The following NCOR1 variants were observed in gnomAD, a reference collection of about 807,000 sequenced individuals.
NCOR1 encodes nuclear receptor corepressor 1, also known as protein phosphatase 1, regulatory subunit 109.
NCOR1 carries 63 observed loss-of-function variants against 288.1 expected under a neutral mutation model. The observed-to-expected ratio is 0.22, with a 90% CI of 0.18 to 0.27. NCOR1 has a LOEUF of 0.27. Ranked by LOEUF, NCOR1 falls within the 10% of genes least tolerant of loss-of-function variation. NCOR1 has a pLI of 1.00. For synonymous variants in NCOR1, 1,007 were observed against 1,065.9 expected, an observed-to-expected ratio of 0.94 and a Z score of 1.08; for missense variants, 2,397 against 3,019.2, an observed-to-expected ratio of 0.79 and a Z score of 4.83.
chr17:16,179,189 T>C (rs963829654), intron 3 of NCOR1, among the ~76,000 whole-genome samples: 4 of 152,234 alleles, frequency 2.6e-5, no homozygotes, highest in South Asian at 2.1e-4. Flanking sequence ...TCAGGTACCT[T>C]ATAAAATTGC....
intron 1 of NCOR1, among the ~76,000 whole-genome samples, chr17:16,211,518 C>A (rs952539249): frequency 6.6e-6 from 1 of 152,152 alleles, no homozygotes; most frequent in African/African-American, 2.4e-5. Context: ...TAGGCATGAG[C>A]CACTGTGCCC....
In NCOR1 at chr17:16,067,991, A is replaced by AT; in HGVS notation, c.4643dup (p.Asp1548GlufsTer69). The AT allele has an allele frequency of 6.2e-7, 1 of 1,614,136 alleles. No homozygotes were observed. Among genetic ancestry groups the AT allele is most frequent in the Non-Finnish European group, 8.5e-7 (1 of 1,180,030 alleles). On this transcript the variant is annotated frameshift_variant, in exon 32 of 46. Transcript: ENST00000268712. LOFTEE classifies it high-confidence loss of function. ...CTGCAGTGCTGCCTCTGTGATGGGG[A>AT]TCAAACGGACTGTGGCTCACGACAG...
At chr17:16,140,093 T>C (rs528165353) in intron 11 of NCOR1, among the ~76,000 whole-genome samples, 1 of 152,236 alleles carries the variant, frequency 6.6e-6, no homozygotes, top group Non-Finnish European at 1.5e-5. Flanking sequence ...AAAGAGCAAA[T>C]AAAGAAATTT....
intron 2 of NCOR1, among the ~76,000 whole-genome samples, chr17:16,189,138 A>G (rs996079964): frequency 6.9e-6 from 1 of 145,950 alleles, no homozygotes; most frequent in Non-Finnish European, 1.5e-5. Flanking sequence ...TCACACCTGT[A>G]ATCTTAGCAC....
intron 23 of NCOR1, among the ~76,000 whole-genome samples, chr17:16,084,750 G>C (rs140476215): frequency 4.6e-5 from 7 of 152,236 alleles, no homozygotes; most frequent in African/African-American, 1.7e-4. Flanking sequence ...TTTTCAACTA[G>C]AAATTTAAAT....
At chr17:16,141,042 T>C (rs767782772) in intron 11 of NCOR1, among the ~76,000 whole-genome samples, 2 of 149,366 alleles carry the variant, frequency 1.3e-5, no homozygotes, top group Non-Finnish European at 3.0e-5. Flanking sequence ...TATTATGCAA[T>C]AGTATGTGCA....
intron 40 of NCOR1, among the ~76,000 whole-genome samples, chr17:16,049,752 A>G (rs1286339038): frequency 6.6e-6 from 1 of 151,848 alleles, no homozygotes; most frequent in Non-Finnish European, 1.5e-5. Flanking sequence ...TACCCCGGCT[A>G]ATTTTTGTAT....
chr17:16,213,023 T>C (rs1178292556), intron 1 of NCOR1, among the ~76,000 whole-genome samples: 5 of 144,436 alleles, frequency 3.5e-5, no homozygotes, highest in Admixed American at 1.4e-4. Flanking sequence ...AGCGAGCCAC[T>C]GTATTTCAGC....
chr17:16,206,042 A>G (rs1402188792), intron 1 of NCOR1, among the ~76,000 whole-genome samples: 1 of 152,002 alleles, frequency 6.6e-6, no homozygotes, highest in Non-Finnish European at 1.5e-5. Context: ...ACATTTTTTC[A>G]GTTCCTAAAT....
chr17:16,170,105 TTC>T (rs1425459905), intron 4 of NCOR1, among the ~76,000 whole-genome samples: 2 of 76,426 alleles, frequency 2.6e-5, no homozygotes, highest in Non-Finnish European at 5.8e-5. Flanking sequence ...CATATTTGCT[TTC>T]TGTGTGTGTG....
In NCOR1 at chr17:16,034,953, G is replaced by T; in HGVS notation, c.6956-9C>A. 6.2e-7 allele frequency: 1 copy of T among 1,612,854 alleles called. No homozygotes were observed. ...TGGTTTGCAAACTCCTCCTGAAAGT[G>T]AAATTCAAGTTAAAGTATTAATATA... On this transcript the variant is annotated splice_polypyrimidine_tract_variant and intron_variant, in intron 44 of 45. Transcript: ENST00000268712.
At position 16,080,663 on chromosome 17, in the gene NCOR1, G is replaced by A. The variant is rs1237541182; in HGVS notation, c.3242C>T (p.Pro1081Leu). 7.4e-6 allele frequency: 12 copies of A among 1,614,040 alleles called. No individual in the cohort carries two copies. The highest frequency in any genetic ancestry group is 4.5e-5 in the East Asian group (2 of 44,878). ...TCCAAGAGAGATAGATCCCACTGAC[G>A]GCTTGGGTGTTTCTTGAGTGTAGGA... is the stretch of plus-strand genomic sequence containing the variant. Reference protein sequence around the residue: ...QASYTQETPKPSVGSISLGLP... With the variant: ...QASYTQETPKLSVGSISLGLP... Residue 1081 changes from proline (P) to leucine (L), a missense_variant, in exon 24 of 46, where the codon CCG (proline) becomes CTG (leucine). By Grantham distance (98) the Pro-to-Leu change is moderately conservative. Around this residue, in one of 11 missense-constraint regions of NCOR1, gnomAD observed 1,872 missense variants for 2,187.8 expected, o/e 0.86. Coordinates refer to ENST00000268712, the MANE Select transcript of NCOR1 (RefSeq NM_006311.4).
intron 44 of NCOR1, among the ~76,000 whole-genome samples, chr17:16,036,502 G>A (rs573101282): frequency 6.6e-6 from 1 of 152,344 alleles, no homozygotes; most frequent in East Asian, 1.9e-4. Flanking sequence ...GACTCTTCCA[G>A]TAGAAGGCTG....
chr17:16,127,690 TAC>T (rs907442363), intron 14 of NCOR1, among the ~76,000 whole-genome samples: 4 of 145,232 alleles, frequency 2.8e-5, no homozygotes, highest in Non-Finnish European at 4.5e-5. Flanking sequence ...TGTGTATATA[TAC>T]ATATATGTAT....
chr17:16,108,688 C>G (rs2069320668), intron 19 of NCOR1, 98 bp downstream of exon 19: 11 of 998,418 alleles, frequency 1.1e-5, no homozygotes, highest in Admixed American at 8.2e-5. Flanking sequence ...CACTGGCACA[C>G]TGTTTCCTCA....
At chr17:16,215,289 C>CCGGGAGCCCT (rs1006719477) in intron 1 of NCOR1, 73 bp downstream of exon 1, 1 of 389,458 alleles carries the variant, frequency 2.6e-6, no homozygotes, top group Admixed American at 4.5e-5. Flanking sequence ...GGCTGCTGCC[C>CCGGGAGCCCT]CGGGAGCCCT....
chr17:16,214,177 G>A (rs901776016), intron 1 of NCOR1, among the ~76,000 whole-genome samples: 1 of 152,158 alleles, frequency 6.6e-6, no homozygotes, highest in Admixed American at 6.5e-5. Context: ...CTGAGCCCGG[G>A]CAAGTACAAG....
chr17:16,070,618 A>C, intron 30 of NCOR1, 93 bp from the exon 31 acceptor site: 1 of 1,497,604 alleles, frequency 6.7e-7, no homozygotes, highest in Non-Finnish European at 9.0e-7. Flanking sequence ...GTTACAGTTC[A>C]CTGTGGTGAT....
At chr17:16,188,077 A>C (rs2087115960) in intron 2 of NCOR1, among the ~76,000 whole-genome samples, 1 of 152,178 alleles carries the variant, frequency 6.6e-6, no homozygotes, top group Non-Finnish European at 1.5e-5. Flanking sequence ...TAGCTGCACA[A>C]TATAATGAAT....
Sources: allele counts gnomAD v4.1 joint callset (sites outside exome capture counted in the v4.1 genomes callset), GRCh38; gene constraint gnomAD v4.1.1; regional missense constraint gnomAD v4.1.1; transcripts MANE v1.5; gene names NCBI Gene and HGNC (gene_info 2026-07-23, HGNC 2026-07-21).